The following CCDC149 variants were observed in gnomAD, a reference collection of about 807,000 sequenced individuals.
The protein encoded by CCDC149 is coiled-coil domain-containing protein 149.
CCDC149 carries 45 observed loss-of-function variants against 59.9 expected under a neutral mutation model. The ratio of observed to expected loss-of-function variants is 0.75; its 90% CI spans 0.59 to 0.96. CCDC149 has a LOEUF of 0.96. Ranked by LOEUF, CCDC149 falls within the 40% of genes least tolerant of loss-of-function variation. The pLI, the probability that CCDC149 is intolerant of heterozygous loss-of-function variation, is 0.00. For missense variants in CCDC149, 584 were observed against 664.7 expected, an observed-to-expected ratio of 0.88 and a Z score of 1.33; for synonymous variants, 245 against 260.6, an observed-to-expected ratio of 0.94 and a Z score of 0.58.
intron 1 of CCDC149, among the ~76,000 whole-genome samples, chr4:24,971,620 CT>C (rs1723974035): frequency 6.6e-6 from 1 of 152,240 alleles, no homozygotes; most frequent in Non-Finnish European, 1.5e-5. Flanking sequence ...TAGAAGCTGT[CT>C]ATGATTCCTC....
At position 24,808,665 on chromosome 4, in the gene CCDC149, A is replaced by G; in HGVS notation, c.1347T>C (p.Pro449=). The change falls in exon 13 of 13, where the codon CCT becomes CCC. Residue 449 remains proline (P), a synonymous_variant. Coordinates refer to ENST00000635206, the MANE Select transcript of CCDC149 (RefSeq NM_001330643.2). ...CAAGGCTGTTTACTTCTTCCTCAGA[A>G]GGTAACTGGGGTAATGAAGGATGAA... The G allele has an allele frequency of 6.4e-7, 1 of 1,552,392 alleles. No homozygotes were observed. Among genetic ancestry groups the G allele is most frequent in the Non-Finnish European group, 8.7e-7 (1 of 1,147,142 alleles).
At chr4:24,962,886 AAAAAT>A (rs1024816481) in intron 1 of CCDC149, among the ~76,000 whole-genome samples, 2 of 150,940 alleles carry the variant, frequency 1.3e-5, no homozygotes, top group Admixed American at 6.6e-5. Context: ...AGTATAATAA[AAAAAT>A]AAAATAAATT....
At chr4:24,811,798 G>A (rs112912911) in intron 12 of CCDC149, among the ~76,000 whole-genome samples, 8,599 of 151,830 alleles carry the variant, frequency 0.057, 841 homozygotes, top group African/African-American at 0.2. Context: ...AATTGAACCC[G>A]GGAGGCAGAG....
Position 24,894,948 on chromosome 4 carries a change from A to G in CCDC149, c.63+17869T>C, listed in dbSNP as rs892113739. ...GGGGAAAAATACAGCAGGTATTTATAAAACATAGGCTTAAAGTCCCATGCA... is the reference window on the plus strand; with the variant it reads ...GGGGAAAAATACAGCAGGTATTTATGAAACATAGGCTTAAAGTCCCATGCA... On this transcript the variant is annotated intron_variant, in intron 1 of 12. Transcript: ENST00000635206. The G allele has an allele frequency of 7.8e-6, 12 of 1,535,124 alleles. No homozygotes were observed. In the African/African-American group the frequency reaches 1.2e-4, roughly 16 times the overall value.
chr4:24,966,057 T>C (rs553378161), intron 1 of CCDC149, among the ~76,000 whole-genome samples: 6 of 152,308 alleles, frequency 3.9e-5, no homozygotes, highest in Admixed American at 3.3e-4. Flanking sequence ...TTTTTCCAGC[T>C]ACCCACCACT....
chr4:24,803,624 ACTTTTT>A (rs551137859), downstream of CCDC149, among the ~76,000 whole-genome samples: 30 of 152,356 alleles, frequency 2.0e-4, no homozygotes, highest in East Asian at 5.8e-3. The surrounding 1 kb of genome is among the most constrained non-coding windows in gnomAD (Gnocchi z 4.3). Flanking sequence ...AATAGAAGGT[ACTTTTT>A]CTTTAAATGA....
At chr4:24,920,612 C>T (rs1460928135) in intron 1 of CCDC149, among the ~76,000 whole-genome samples, 3 of 152,298 alleles carry the variant, frequency 2.0e-5, no homozygotes, top group East Asian at 1.9e-4. Flanking sequence ...ATAGACTCCA[C>T]CTCTAGATGG....
intron 3 of CCDC149, among the ~76,000 whole-genome samples, chr4:24,864,952 C>T (rs773271580): frequency 9.2e-5 from 14 of 152,240 alleles, no homozygotes; most frequent in Middle Eastern, 3.4e-3. Flanking sequence ...TTGGTGTACA[C>T]GGGGTTCCTG....
At chr4:24,929,168 G>T (rs1047212243) in intron 1 of CCDC149, among the ~76,000 whole-genome samples, 1 of 152,130 alleles carries the variant, frequency 6.6e-6, no homozygotes, top group Non-Finnish European at 1.5e-5. Context: ...AAATGTGCTG[G>T]TTTATGACTT....
intron 1 of CCDC149, among the ~76,000 whole-genome samples, chr4:24,966,289 C>G (rs1027821844): frequency 1.2e-4 from 18 of 152,072 alleles, no homozygotes; most frequent in Non-Finnish European, 2.5e-4. Context: ...TGCAAGTCAT[C>G]CAGGAAATGG....
At chr4:24,809,693 T>C (rs1176760305) in intron 12 of CCDC149, among the ~76,000 whole-genome samples, 1 of 152,200 alleles carries the variant, frequency 6.6e-6, no homozygotes, top group African/African-American at 2.4e-5. Flanking sequence ...AAGAAAGGTA[T>C]GACAGAGCCA....
chr4:24,846,034 T>C (rs574260962), intron 4 of CCDC149, among the ~76,000 whole-genome samples: 17 of 152,374 alleles, frequency 1.1e-4, no homozygotes, highest in African/African-American at 4.1e-4. Context: ...AGTGTAATTA[T>C]GTCCACAGTC....
chr4:24,819,645 T>G (rs1715238103), intron 12 of CCDC149, among the ~76,000 whole-genome samples: 1 of 152,188 alleles, frequency 6.6e-6, no homozygotes, highest in Non-Finnish European at 1.5e-5. Context: ...TTAACCTCTC[T>G]GCCACCATGC....
chr4:24,858,711 CT>C (rs1377757193), intron 3 of CCDC149, among the ~76,000 whole-genome samples: 4 of 152,144 alleles, frequency 2.6e-5, no homozygotes, highest in African/African-American at 9.7e-5. Flanking sequence ...AAAGCCAGCC[CT>C]GGGTGTGGGA....
At chr4:24,844,251 C>T (rs1212041829) in intron 4 of CCDC149, among the ~76,000 whole-genome samples, 1 of 152,146 alleles carries the variant, frequency 6.6e-6, no homozygotes, top group Non-Finnish European at 1.5e-5. Flanking sequence ...ACCTTGTCCT[C>T]CACAACCGTG....
At chr4:24,819,521 A>G (rs1715228897) in intron 12 of CCDC149, among the ~76,000 whole-genome samples, 1 of 152,060 alleles carries the variant, frequency 6.6e-6, no homozygotes, top group African/African-American at 2.4e-5. Flanking sequence ...GGTTTTCACC[A>G]TGTTGGCCAG....
intron 1 of CCDC149, among the ~76,000 whole-genome samples, chr4:24,958,154 T>G (rs896869982): frequency 2.6e-5 from 4 of 152,220 alleles, no homozygotes; most frequent in African/African-American, 7.2e-5. Flanking sequence ...CCAGGGCTCA[T>G]TGACCTACTA....
At chr4:24,846,718 C>G (rs902324130) in intron 4 of CCDC149, among the ~76,000 whole-genome samples, 2 of 152,124 alleles carry the variant, frequency 1.3e-5, no homozygotes, top group Admixed American at 6.5e-5. Flanking sequence ...TAACATAAAG[C>G]TCATTATTAA....
rs1046118736 is a variant in CCDC149, at chr4:24,808,438, C to T, written c.1574G>A (p.Gly525Asp). The T allele has an allele frequency of 8.9e-6, 13 of 1,461,262 alleles. No homozygotes were observed. Among genetic ancestry groups the T allele is most frequent in the Non-Finnish European group, 1.2e-5 (13 of 1,105,962 alleles). The allele number at this position is 1,461,262 out of a possible 1,614,324, so 90.5% of individuals were successfully genotyped here. A position where few individuals can be genotyped will look rare whatever the true frequency, so the allele number is the denominator to read the frequency against. ...GCCTCCGCCCTCTGGGATCCCTTTG[C>T]CGTCTTCCGGTGTGGAAGCTTTGGC... The change falls in exon 13 of 13, where the codon GGC (glycine) becomes GAC (aspartate). Residue 525 changes from glycine to aspartate, a missense_variant. Transcript: ENST00000635206.
Sources: gnomAD v4.1 joint callset for allele counts (sites outside exome capture counted in the v4.1 genomes callset) on GRCh38, gnomAD v4.1.1 for gene constraint, Gnocchi (gnomAD v3.1) non-coding constraint, MANE v1.5 for transcripts, NCBI Gene and HGNC (gene_info 2026-07-23, HGNC 2026-07-21) for gene names.